NCOR2: variants seen among roughly 807,000 people sequenced by gnomAD.
NCOR2 encodes the protein CTG repeat protein 26.
NCOR2 carries 81 observed loss-of-function variants against 262.9 expected under a neutral mutation model. That is an observed-to-expected ratio of 0.31 (90% confidence interval 0.26 to 0.37). The LOEUF (loss-of-function observed/expected upper bound fraction) is 0.37. NCOR2 is among the 10% of genes least tolerant of loss of function. NCOR2 has a pLI of 1.00. For missense variants in NCOR2, 3,385 were observed against 3,621.4 expected (o/e 0.93, Z 1.68); for synonymous variants, 1,659 against 1,559.3 (o/e 1.06, Z -1.51).
intron 1 of NCOR2, among the ~76,000 whole-genome samples, chr12:124,564,217 G>A (rs922639792): frequency 5.9e-5 from 9 of 152,142 alleles, no homozygotes; most frequent in South Asian, 2.1e-4. Flanking sequence ...CTCAAAAGAT[G>A]CCCAGCTGGC....
At chr12:124,359,410 A>C (rs2038319633) in intron 22 of NCOR2, among the ~76,000 whole-genome samples, 1 of 152,228 alleles carries the variant, frequency 6.6e-6, no homozygotes. Flanking sequence ...CAGGTGGGCA[A>C]GAAGGCCTAT....
At chr12:124,495,773 G>A (rs559090032), upstream of NCOR2, among the ~76,000 whole-genome samples, 42 of 152,216 alleles carry the variant, frequency 2.8e-4, no homozygotes, top group African/African-American at 8.4e-4. This position sits in a 1 kb window ranked among gnomAD's most constrained non-coding sequence, Gnocchi z 4.4. Flanking sequence ...AGGGGCGGCC[G>A]GCAGCAGGGA....
exon 9 of NCOR2, chr12:124,430,677 C>A: frequency 6.2e-7 from 1 of 1,614,156 alleles, no homozygotes; most frequent in South Asian, 1.1e-5. Context: ...TCTCGTAGTA[C>A]TCGCGCACCT....
At chr12:124,496,257 T>G, upstream of NCOR2, among the ~76,000 whole-genome samples, 1 of 137,882 alleles carries the variant, frequency 7.3e-6, no homozygotes. The surrounding 1 kb of genome is among the most constrained non-coding windows in gnomAD (Gnocchi z 4.4). Context: ...GCTTCTCCCC[T>G]TCCTCCGCCA....
rs1197053659 is a variant in NCOR2, at chr12:124,482,728, G to A, written c.411+868C>T. Among the ~76,000 whole-genome samples the A allele has an allele frequency of 6.6e-6, 1 of 152,074 alleles. No individual in the cohort carries two copies. Among genetic ancestry groups the A allele is most frequent in the African/African-American group, 2.4e-5 (1 of 41,412 alleles). Reference sequence around the variant, plus strand: ...AGTGAGTGTGCCCAGGTGAGGCCTGGGCCCACCTGCAATGCCAGGCAGCCC... The same window carrying A: ...AGTGAGTGTGCCCAGGTGAGGCCTGAGCCCACCTGCAATGCCAGGCAGCCC... On this transcript the variant is annotated intron_variant, in intron 3 of 46. Coordinates refer to ENST00000405201, the Ensembl canonical transcript of NCOR2. The surrounding 1 kb of genome is among the most constrained non-coding windows in gnomAD (Gnocchi z 6.3).
upstream of NCOR2, among the ~76,000 whole-genome samples, chr12:124,499,662 G>A (rs536775465): frequency 1.2e-4 from 19 of 152,322 alleles, no homozygotes; most frequent in South Asian, 1.2e-3. Context: ...CACAGGTGCC[G>A]TTTATGTTTG....
intron 41 of NCOR2, among the ~76,000 whole-genome samples, chr12:124,333,856 ATG>A (rs56104621): frequency 7.4e-5 from 9 of 121,294 alleles, no homozygotes; most frequent in East Asian, 5.0e-4. Flanking sequence ...GCGGGTGTGC[ATG>A]TGTGTGTGCG....
Position 124,478,563 on chromosome 12 carries a change from A to G in NCOR2, c.411+5033T>C, listed in dbSNP as rs549201244. On this transcript the variant is annotated intron_variant, in intron 3 of 46. Transcript: ENST00000405201. The stretch of plus-strand genomic sequence containing the variant: ...GAATTCCACACAGCAGATGCAGAAA[A>G]CCTCTCAACTCGCTCTCCCAGGCAT... Among the ~76,000 whole-genome samples, 3 of 151,448 alleles carry G rather than the reference A, an allele frequency of 2.0e-5. No individual in the cohort carries two copies. In the South Asian group the frequency reaches 6.3e-4, roughly 32 times the overall value.
chr12:124,540,193 A>T (rs1045416012), upstream of NCOR2, among the ~76,000 whole-genome samples: 47 of 150,896 alleles, frequency 3.1e-4, no homozygotes, highest in Admixed American at 1.9e-3. Flanking sequence ...TGACGGACAT[A>T]AACCATGGCG....
exon 34 of NCOR2, chr12:124,341,971 C>T (rs1358180342): frequency 1.2e-6 from 2 of 1,613,220 alleles, no homozygotes; most frequent in Non-Finnish European, 1.7e-6. Flanking sequence ...TCTGCCGGTT[C>T]TCCAGCGCCG....
intron 6 of NCOR2, among the ~76,000 whole-genome samples, chr12:124,456,021 G>A (rs984647847): frequency 2.0e-5 from 3 of 152,148 alleles, no homozygotes; most frequent in Admixed American, 6.5e-5. Flanking sequence ...GACGAAAGGC[G>A]TGCATCACCA....
intron 4 of NCOR2, among the ~76,000 whole-genome samples, chr12:124,469,145 G>T (rs2046700258): frequency 6.6e-6 from 1 of 152,092 alleles, no homozygotes. Flanking sequence ...AGGTCAGATG[G>T]AAGGCCAATG....
intron 1 of NCOR2, among the ~76,000 whole-genome samples, chr12:124,521,110 G>A (rs1393349439): frequency 6.6e-6 from 1 of 152,208 alleles, no homozygotes; most frequent in Non-Finnish European, 1.5e-5. Context: ...GGGCCCAGGG[G>A]GGAGGTGGGG....
At chr12:124,407,123 T>C (rs1369834819) in intron 13 of NCOR2, among the ~76,000 whole-genome samples, 1 of 152,160 alleles carries the variant, frequency 6.6e-6, no homozygotes, top group Non-Finnish European at 1.5e-5. Context: ...CCTATGCCCA[T>C]TTAAACCAAA....
chr12:124,560,873 T>C (rs916235737), intron 1 of NCOR2, among the ~76,000 whole-genome samples: 5 of 152,232 alleles, frequency 3.3e-5, no homozygotes, highest in African/African-American at 9.6e-5. Flanking sequence ...GAGTTTTGAA[T>C]GCATTACTTT....
chr12:124,496,573 AC>A (rs2048393796), upstream of NCOR2, among the ~76,000 whole-genome samples: 1 of 151,052 alleles, frequency 6.6e-6, no homozygotes, highest in African/African-American at 2.4e-5. The surrounding 1 kb of genome is among the most constrained non-coding windows in gnomAD (Gnocchi z 4.4). Flanking sequence ...TCATCAGAAC[AC>A]CCCCTCCCCC....
intron 1 of NCOR2, among the ~76,000 whole-genome samples, chr12:124,534,146 C>T (rs2050998100): frequency 6.6e-6 from 1 of 152,064 alleles, no homozygotes; most frequent in Non-Finnish European, 1.5e-5. Context: ...TATCCAAACA[C>T]AGAAAAGGAA....
At chr12:124,506,719 G>A (rs2049059942) in intron 1 of NCOR2, among the ~76,000 whole-genome samples, 1 of 152,212 alleles carries the variant, frequency 6.6e-6, no homozygotes, top group African/African-American at 2.4e-5. Context: ...CCTCCATCTG[G>A]CCTTCCCAAC....
At chr12:124,339,220 C>T (rs56374933) in intron 37 of NCOR2, among the ~76,000 whole-genome samples, 1 of 74,880 alleles carries the variant, frequency 1.3e-5, no homozygotes, top group Non-Finnish European at 2.4e-5. Context: ...CTACCTACCA[C>T]CCACCCACCC....
Sources: gnomAD v4.1 joint callset for allele counts (sites outside exome capture counted in the v4.1 genomes callset) on GRCh38, gnomAD v4.1.1 for gene constraint, Gnocchi (gnomAD v3.1) non-coding constraint, MANE v1.5 for transcripts, NCBI Gene and HGNC (gene_info 2026-07-23, HGNC 2026-07-21) for gene names.